The following IQCM variants were observed in gnomAD, a reference collection of about 807,000 sequenced individuals.
IQCM encodes the protein IQ domain-containing protein M.
IQCM carries 45 observed loss-of-function variants against 57.6 expected under a neutral mutation model. That is an observed-to-expected ratio of 0.78 (90% CI 0.62 to 1.00). The LOEUF (loss-of-function observed/expected upper bound fraction) is 1.00, where lower values mean the gene tolerates loss of function less well. Among genes scored for constraint, IQCM ranks in the 50% least tolerant of loss-of-function variants. The pLI, the probability that IQCM is intolerant of heterozygous loss-of-function variation, is 0.00. For synonymous variants in IQCM, 148 were observed against 158.9 expected, an observed-to-expected ratio of 0.93 and a Z score of 0.51; for missense variants, 468 against 511.6, an observed-to-expected ratio of 0.91 and a Z score of 0.82.
At chr4:149,611,932 C>A (rs927374406) in intron 8 of IQCM, among the ~76,000 whole-genome samples, 3 of 150,970 alleles carry the variant, frequency 2.0e-5, no homozygotes, top group Admixed American at 1.3e-4. Context: ...TGAAAATATA[C>A]AACTATTACA....
intron 12 of IQCM, among the ~76,000 whole-genome samples, chr4:149,475,645 G>A (rs1740106408): frequency 6.6e-6 from 1 of 152,014 alleles, no homozygotes; most frequent in Non-Finnish European, 1.5e-5. Context: ...GGGGGAAGAA[G>A]AAGCAGAATC....
At chr4:149,453,959 T>C (rs142967593) in intron 12 of IQCM, among the ~76,000 whole-genome samples, 3 of 151,804 alleles carry the variant, frequency 2.0e-5, no homozygotes, top group Non-Finnish European at 4.4e-5. Flanking sequence ...ACTGGAAATT[T>C]TAGCTGTTCA....
chr4:149,533,531 C>A (rs375675310), intron 12 of IQCM, among the ~76,000 whole-genome samples: 1 of 151,938 alleles, frequency 6.6e-6, no homozygotes. Flanking sequence ...AAAGACATAC[C>A]CGAGACTGGG....
intron 12 of IQCM, among the ~76,000 whole-genome samples, chr4:149,517,421 G>A (rs932962746): frequency 3.5e-4 from 54 of 152,158 alleles, no homozygotes; most frequent in African/African-American, 1.3e-3. Flanking sequence ...AATAGCATTT[G>A]GGTTGGGGAT....
chr4:149,371,614 T>C (rs1730373295), intron 13 of IQCM, among the ~76,000 whole-genome samples: 1 of 152,172 alleles, frequency 6.6e-6, no homozygotes, highest in South Asian at 2.1e-4. Flanking sequence ...ACCTCGGATT[T>C]TGCGATGAAA....
chr4:149,528,696 T>C (rs1251972943), intron 12 of IQCM, among the ~76,000 whole-genome samples: 1 of 152,066 alleles, frequency 6.6e-6, no homozygotes, highest in Non-Finnish European at 1.5e-5. Context: ...AGTGTGAACA[T>C]TGATGGAGGA....
rs77895669 is a variant in IQCM at position 149,734,371 on chromosome 4, C to A, written c.121-863G>T. 6.4e-3 allele frequency among the ~76,000 whole-genome samples: 977 copies of A among 152,138 alleles called. 16 individuals are homozygous for A. The highest frequency in any genetic ancestry group is 0.021 in the African/African-American group (887 of 41,514). ...CTCTGAAGACCGTGAAACATTCATCCCATGTTCCCACCAGTGAAATTAATA... is the reference window on the plus strand; with the variant it reads ...CTCTGAAGACCGTGAAACATTCATCACATGTTCCCACCAGTGAAATTAATA... On this transcript the variant is annotated intron_variant, in intron 4 of 13. Coordinates refer to ENST00000636793, the MANE Select transcript of IQCM (RefSeq NM_001363507.2).
At chr4:149,525,392 T>G (rs2149838919) in intron 12 of IQCM, among the ~76,000 whole-genome samples, 1 of 152,042 alleles carries the variant, frequency 6.6e-6, no homozygotes, top group Non-Finnish European at 1.5e-5. Context: ...AATGTTAAAC[T>G]GGCAATAGAT....
intron 11 of IQCM, among the ~76,000 whole-genome samples, chr4:149,551,550 G>T (rs1308993930): frequency 6.6e-6 from 1 of 151,978 alleles, no homozygotes; most frequent in Non-Finnish European, 1.5e-5. Context: ...TAAAATAGTA[G>T]GAGCATTTTG....
chr4:149,679,900 C>T (rs1762053382), intron 7 of IQCM, among the ~76,000 whole-genome samples: 1 of 151,182 alleles, frequency 6.6e-6, no homozygotes. Context: ...AAAAAATTAA[C>T]AACCATAAAA....
At chr4:149,640,854 G>A (rs748974905) in intron 7 of IQCM, among the ~76,000 whole-genome samples, 2 of 152,106 alleles carry the variant, frequency 1.3e-5, no homozygotes, top group African/African-American at 2.4e-5. Context: ...TCAGCCAGGC[G>A]CAGTGGCTCA....
intron 8 of IQCM, among the ~76,000 whole-genome samples, chr4:149,614,452 A>G (rs1755598372): frequency 6.6e-6 from 1 of 152,002 alleles, no homozygotes; most frequent in Admixed American, 6.6e-5. Context: ...GCCACACTGA[A>G]TTTCTTTCAG....
intron 10 of IQCM, among the ~76,000 whole-genome samples, chr4:149,554,151 C>T (rs1180536383): frequency 6.6e-6 from 1 of 151,964 alleles, no homozygotes; most frequent in African/African-American, 2.4e-5. Flanking sequence ...ACACATTTTT[C>T]GCTGAGTTGG....
intron 2 of IQCM, among the ~76,000 whole-genome samples, chr4:149,753,961 T>A (rs1225589607): frequency 6.6e-6 from 1 of 152,008 alleles, no homozygotes; most frequent in East Asian, 1.9e-4. Context: ...CTAGTGAGTA[T>A]CAGAAATGAA....
At chr4:149,399,982 C>T (rs944407893) in intron 13 of IQCM, among the ~76,000 whole-genome samples, 2 of 151,934 alleles carry the variant, frequency 1.3e-5, no homozygotes, top group Admixed American at 6.6e-5. Flanking sequence ...ACACACACAA[C>T]AAATATTTCA....
At chr4:149,806,723 G>A (rs1279818168) in intron 2 of IQCM, among the ~76,000 whole-genome samples, 1 of 151,902 alleles carries the variant, frequency 6.6e-6, no homozygotes, top group Non-Finnish European at 1.5e-5. Flanking sequence ...TGACCTTGAA[G>A]CTTTTCACAA....
chr4:149,440,119 GC>G (rs1367163667), intron 12 of IQCM, among the ~76,000 whole-genome samples: 6 of 135,098 alleles, frequency 4.4e-5, no homozygotes, highest in Non-Finnish European at 8.0e-5. Context: ...ACCATGCCCG[GC>G]CTTTTTTTTT....
intron 7 of IQCM, among the ~76,000 whole-genome samples, chr4:149,639,854 G>A (rs1253887219): frequency 1.3e-5 from 2 of 152,184 alleles, no homozygotes; most frequent in Non-Finnish European, 2.9e-5. Context: ...CCTCGAGACA[G>A]CGAGGTGGAG....
chr4:149,379,662 G>A (rs1161686419), intron 13 of IQCM, among the ~76,000 whole-genome samples: 1 of 152,144 alleles, frequency 6.6e-6, no homozygotes, highest in Non-Finnish European at 1.5e-5. Flanking sequence ...GATCTTACAG[G>A]CTCACAGGTG....
Sources: allele counts gnomAD v4.1 joint callset (sites outside exome capture counted in the v4.1 genomes callset), GRCh38; gene constraint gnomAD v4.1.1; transcripts MANE v1.5; gene names NCBI Gene and HGNC (gene_info 2026-07-23, HGNC 2026-07-21).